The following JMJD1C variants were observed in gnomAD, a reference collection of about 807,000 sequenced individuals.
The protein encoded by JMJD1C is jumonji domain-containing protein 1C.
JMJD1C carries 31 observed loss-of-function variants against 245.3 expected under a neutral mutation model. The observed-to-expected ratio is 0.13, with a 90% CI of 0.09 to 0.17. The LOEUF (loss-of-function observed/expected upper bound fraction) is 0.17, where lower values mean the gene tolerates loss of function less well. Ranked by LOEUF, JMJD1C falls within the 10% of genes least tolerant of loss-of-function variation. JMJD1C has a pLI of 1.00. For missense variants in JMJD1C, 2,691 were observed against 3,000.2 expected, an observed-to-expected ratio of 0.90 and a Z score of 2.41; for synonymous variants, 1,057 against 1,017.4, an observed-to-expected ratio of 1.04 and a Z score of -0.74.
chr10:63,271,794 A>T (rs1856332066), intron 2 of JMJD1C, among the ~76,000 whole-genome samples: 1 of 152,186 alleles, frequency 6.6e-6, no homozygotes, highest in Non-Finnish European at 1.5e-5. Flanking sequence ...TATCAATTTC[A>T]TTTCACAGAA....
At chr10:63,446,962 C>G (rs1271069375) in intron 1 of JMJD1C, among the ~76,000 whole-genome samples, 1 of 151,632 alleles carries the variant, frequency 6.6e-6, no homozygotes, top group Non-Finnish European at 1.5e-5. Flanking sequence ...CTGGAATCAC[C>G]AGGAATTTCC....
upstream of JMJD1C, among the ~76,000 whole-genome samples, chr10:63,466,935 C>CCTTT (rs1447638055): frequency 6.6e-6 from 1 of 152,004 alleles, no homozygotes; most frequent in East Asian, 1.9e-4. Flanking sequence ...TTTCAGGCAC[C>CCTTT]CTTTATACTG....
intron 2 of JMJD1C, among the ~76,000 whole-genome samples, chr10:63,334,032 A>AT (rs1228640851): frequency 6.6e-6 from 1 of 152,180 alleles, no homozygotes; most frequent in Non-Finnish European, 1.5e-5. Flanking sequence ...AACAGAAGTG[A>AT]TTCACTGCAC....
At chr10:63,398,311 T>C (rs1385697030) in intron 1 of JMJD1C, among the ~76,000 whole-genome samples, 1 of 152,170 alleles carries the variant, frequency 6.6e-6, no homozygotes, top group Non-Finnish European at 1.5e-5. Flanking sequence ...CCTCTTGCTT[T>C]TTCCCCTTGG....
At chr10:63,374,447 A>C (rs1946558264) in intron 2 of JMJD1C, among the ~76,000 whole-genome samples, 1 of 152,222 alleles carries the variant, frequency 6.6e-6, no homozygotes, top group African/African-American at 2.4e-5. Flanking sequence ...AATGCTTACA[A>C]GGGTGTGATG....
intron 22 of JMJD1C, among the ~76,000 whole-genome samples, chr10:63,180,978 T>C (rs920505749): frequency 2.0e-5 from 3 of 151,868 alleles, no homozygotes; most frequent in Admixed American, 6.6e-5. Flanking sequence ...CCGTTTTAGC[T>C]GGGATGGTCT....
At chr10:63,374,149 G>T (rs569923078) in intron 2 of JMJD1C, among the ~76,000 whole-genome samples, 2 of 151,888 alleles carry the variant, frequency 1.3e-5, no homozygotes, top group Admixed American at 6.6e-5. Context: ...TGACAAAAAG[G>T]TTATAATATC....
chr10:63,443,760 A>G (rs1489263967), intron 1 of JMJD1C, among the ~76,000 whole-genome samples: 1 of 152,186 alleles, frequency 6.6e-6, no homozygotes, highest in African/African-American at 2.4e-5. Flanking sequence ...CCAAGCTTCT[A>G]TTCAAGGTCT....
intron 1 of JMJD1C, among the ~76,000 whole-genome samples, chr10:63,459,177 T>C (rs1161040984): frequency 6.6e-6 from 1 of 152,226 alleles, no homozygotes; most frequent in Admixed American, 6.5e-5. Flanking sequence ...TTAATATTTC[T>C]CCTATAAGAA....
In JMJD1C at chr10:63,208,440, G is replaced by T. The variant is rs1846917450; in HGVS notation, c.3229C>A (p.Leu1077Ile). 1.2e-6 allele frequency: 2 copies of T among 1,613,832 alleles called. No homozygotes were observed. The highest frequency in any genetic ancestry group is 1.7e-5 in the Admixed American group (1 of 59,996). ...DMDVERSVSDLYKMKHSVPQS... is the reference protein window; with the variant it reads ...DMDVERSVSDIYKMKHSVPQS... Reference sequence around the variant, plus strand: ...GGCACTGAGTGCTTCATTTTATAAAGATCTGATACTGAGCGTTCTACATCC... The same window carrying T: ...GGCACTGAGTGCTTCATTTTATAAATATCTGATACTGAGCGTTCTACATCC... Residue 1077 changes from leucine to isoleucine, a missense_variant, in exon 10 of 26, where the codon CTT becomes ATT. Leu to Ile is a conservative substitution (Grantham distance 5). This residue lies in a region of JMJD1C where 1,562 missense variants were observed against 1,490.7 expected (regional missense o/e 1.05). Transcript: ENST00000399262.
At chr10:63,443,740 T>A (rs1017710351) in intron 1 of JMJD1C, among the ~76,000 whole-genome samples, 1 of 152,188 alleles carries the variant, frequency 6.6e-6, no homozygotes, top group Non-Finnish European at 1.5e-5. Context: ...GTCATGGAGA[T>A]GAGAGTGTTC....
intron 3 of JMJD1C, among the ~76,000 whole-genome samples, chr10:63,244,312 C>T (rs1244628439): frequency 6.6e-6 from 1 of 152,164 alleles, no homozygotes; most frequent in Non-Finnish European, 1.5e-5. Context: ...CCTGGCACTC[C>T]TGACTGTTTA....
At chr10:63,340,550 A>T (rs1943275115) in intron 2 of JMJD1C, among the ~76,000 whole-genome samples, 1 of 152,248 alleles carries the variant, frequency 6.6e-6, no homozygotes. Context: ...TATCACAGAA[A>T]GTCAAGTTGT....
chr10:63,271,949 T>A (rs963728587), intron 2 of JMJD1C, among the ~76,000 whole-genome samples: 3 of 151,712 alleles, frequency 2.0e-5, no homozygotes, highest in African/African-American at 7.3e-5. Context: ...GTGGCGTACC[T>A]GTAGTCTCAG....
chr10:63,186,132 C>T, intron 19 of JMJD1C, 83 bp downstream of exon 19: 1 of 1,095,396 alleles, frequency 9.1e-7, no homozygotes, highest in East Asian at 2.5e-5. Flanking sequence ...GTTTCAAAGA[C>T]TAAAAATCTG....
At chr10:63,367,543 G>A (rs1208922921) in intron 2 of JMJD1C, among the ~76,000 whole-genome samples, 1 of 152,068 alleles carries the variant, frequency 6.6e-6, no homozygotes, top group Non-Finnish European at 1.5e-5. Flanking sequence ...ACTGTACCCG[G>A]CAATTCACCC....
chr10:63,376,148 A>G (rs919686367), intron 2 of JMJD1C, among the ~76,000 whole-genome samples: 1 of 152,198 alleles, frequency 6.6e-6, no homozygotes, highest in Admixed American at 6.5e-5. Context: ...ATACAGTCAA[A>G]ATATTTTCTG....
rs1422051555 is a variant in JMJD1C, at chr10:63,189,361, G to T, written c.6377C>A (p.Thr2126Asn). ...CTCTGGTTTTACATTTATCTTGGAG[G>T]TTTTACTTGGTGGAATTTTGTTTTC... is the stretch of plus-strand genomic sequence containing the variant. ...VVENKIPPSK[T>N]SKINVKPELK... is the part of the protein sequence containing the mutation. The change falls in exon 18 of 26, where the codon ACC becomes AAC. Residue 2126 changes from threonine (T) to asparagine (N), a missense_variant. Around this residue, in one of 9 missense-constraint regions of JMJD1C, gnomAD observed 275 missense variants for 285.5 expected, o/e 0.96. Coordinates refer to ENST00000399262, the MANE Select transcript of JMJD1C (RefSeq NM_032776.3). 1.9e-6 allele frequency: 3 copies of T among 1,613,566 alleles called. No individual in the cohort carries two copies. The highest frequency in any genetic ancestry group is 2.5e-6 in the Non-Finnish European group (3 of 1,179,818).
chr10:63,308,750 A>C (rs59329077), intron 2 of JMJD1C, among the ~76,000 whole-genome samples: 2 of 148,036 alleles, frequency 1.4e-5, no homozygotes, highest in Non-Finnish European at 3.0e-5. Flanking sequence ...CCATTTGAGA[A>C]CAAAAAAAAA....
Sources: gnomAD v4.1 joint callset for allele counts (sites outside exome capture counted in the v4.1 genomes callset) on GRCh38, gnomAD v4.1.1 for gene constraint, gnomAD v4.1.1 regional missense constraint, MANE v1.5 for transcripts, NCBI Gene and HGNC (gene_info 2026-07-23, HGNC 2026-07-21) for gene names.